HERC6: variants seen among roughly 807,000 people sequenced by gnomAD.
HERC6 encodes the protein probable E3 ubiquitin-protein ligase HERC6.
HERC6 carries 101 observed loss-of-function variants against 114.5 expected under a neutral mutation model. The ratio of observed to expected loss-of-function variants is 0.88; its 90% CI spans 0.75 to 1.04. HERC6 has a LOEUF of 1.04. Among genes scored for constraint, HERC6 ranks in the 50% least tolerant of loss-of-function variants. HERC6 has a pLI of 0.00. For missense variants in HERC6, 1,133 were observed against 1,230.9 expected (o/e 0.92, Z 1.19); for synonymous variants, 408 against 436.2 (o/e 0.94, Z 0.81).
intron 13 of HERC6, among the ~76,000 whole-genome samples, chr4:88,421,581 G>A (rs1331816097): frequency 2.6e-5 from 4 of 151,620 alleles, no homozygotes; most frequent in Non-Finnish European, 4.4e-5. Flanking sequence ...ACAAGTAGCT[G>A]GCATTACAGG....
At chr4:88,425,794 CT>C (rs76638121) in intron 15 of HERC6, among the ~76,000 whole-genome samples, 19,363 of 151,464 alleles carry the variant, frequency 0.13, 1,860 homozygotes, top group East Asian at 0.46. Context: ...ATTTTCCAAA[CT>C]TTTTTTTTAT....
At chr4:88,397,475 T>C (rs1735305335) in intron 7 of HERC6, among the ~76,000 whole-genome samples, 2 of 152,112 alleles carry the variant, frequency 1.3e-5, no homozygotes, top group South Asian at 4.1e-4. Context: ...GGTAATCATT[T>C]CTAAAGATTA....
In HERC6 at chr4:88,424,675, G is replaced by T. The variant is rs1473892939; in HGVS notation, c.1908G>T (p.Leu636Phe). 6.2e-7 allele frequency: 1 copy of T among 1,606,590 alleles called. No individual in the cohort carries two copies. The highest frequency in any genetic ancestry group is 8.5e-7 in the Non-Finnish European group (1 of 1,174,830). Residue 636 changes from leucine (L) to phenylalanine (F), a missense_variant, in exon 15 of 23, where the codon TTG (leucine) becomes TTT (phenylalanine). This residue lies in a region of HERC6 where 10 missense variants were observed against 31.1 expected (regional missense o/e 0.32). Coordinates refer to ENST00000264346, the MANE Select transcript of HERC6 (RefSeq NM_017912.4). The stretch of plus-strand genomic sequence containing the variant: ...ATTCGCTATCCAAAATTAAATTATT[G>T]CAAGCTGATTCACATATAAAGATGC... ...IFNSLSKIKL[L>F]QADSHIKMQM... is the part of the protein sequence containing the mutation.
chr4:88,390,571 AG>A, intron 3 of HERC6, 80 bp from the exon 4 acceptor site: 2 of 1,264,094 alleles, frequency 1.6e-6, no homozygotes, highest in South Asian at 3.2e-5. Flanking sequence ...GCCACAAAAA[AG>A]ATTTGTAGAA....
chr4:88,407,070 T>C (rs138453391), intron 10 of HERC6, among the ~76,000 whole-genome samples: 1 of 150,970 alleles, frequency 6.6e-6, no homozygotes, highest in Non-Finnish European at 1.5e-5. Context: ...CTTTTTTAAA[T>C]TTTTATTATT....
chr4:88,390,576 T>G (rs1254176372), intron 3 of HERC6, 76 bp from the exon 4 acceptor site: 5 of 1,300,564 alleles, frequency 3.8e-6, no homozygotes, highest in Non-Finnish European at 5.2e-6. Flanking sequence ...AAAAAAGATT[T>G]GTAGAATTAG....
chr4:88,434,535 A>G (rs1285960847), intron 17 of HERC6, among the ~76,000 whole-genome samples: 3 of 151,896 alleles, frequency 2.0e-5, no homozygotes, highest in Admixed American at 2.0e-4. Flanking sequence ...CAGGTTGGGG[A>G]TGGAGAGGAG....
chr4:88,395,724 A>C (rs1351823883), intron 5 of HERC6, among the ~76,000 whole-genome samples: 1 of 151,460 alleles, frequency 6.6e-6, no homozygotes, highest in Non-Finnish European at 1.5e-5. Context: ...GGGTCTTGCT[A>C]TATTGGCCAG....
At position 88,404,948 on chromosome 4, in the gene HERC6, A is replaced by T; in HGVS notation, c.1165A>T (p.Lys389Ter). Residue 389 changes from lysine to a stop codon, truncating the protein, a stop_gained, in exon 9 of 23, where the codon AAA becomes TAA. Transcript: ENST00000264346. LOFTEE classifies it high-confidence loss of function. Reference protein sequence around the residue: ...ISRISQSMAEKWIAVKRRSTE... With the variant: ...ISRISQSMAE Reference sequence around the variant, plus strand: ...CCGAATTAGCCAGTCCATGGCAGAAAAATGGATAGCAGTGAAAAGAAGAAG... The same window carrying T: ...CCGAATTAGCCAGTCCATGGCAGAATAATGGATAGCAGTGAAAAGAAGAAG... 1 of 1,613,910 alleles carries T rather than the reference A, an allele frequency of 6.2e-7. No homozygotes were observed. The highest frequency in any genetic ancestry group is 1.7e-4 in the Middle Eastern group (1 of 6,056).
At position 88,438,091 on chromosome 4, in the gene HERC6, A is replaced by G. The variant is rs921834899; in HGVS notation, c.2555+310A>G. On this transcript the variant is annotated intron_variant, in intron 20 of 22. Transcript: ENST00000264346. ...CAGTGAGCCGGGATTGCGCAACTGC[A>G]CTCAAGCCTGGGCAACAGAGTGAGA... Among the ~76,000 whole-genome samples the G allele has an allele frequency of 2.7e-5, 4 of 145,476 alleles. No homozygotes were observed. In the Admixed American group the frequency reaches 2.9e-4, roughly 10 times the overall value.
intron 5 of HERC6, among the ~76,000 whole-genome samples, chr4:88,394,927 A>G (rs1250736002): frequency 3.9e-5 from 6 of 152,208 alleles, no homozygotes; most frequent in Non-Finnish European, 8.8e-5. Flanking sequence ...ACAGTTTTCA[A>G]TAATCCACTT....
At chr4:88,389,668 T>G in intron 3 of HERC6, among the ~76,000 whole-genome samples, 1 of 152,084 alleles carries the variant, frequency 6.6e-6, no homozygotes. Flanking sequence ...GAAGGTGACC[T>G]GGACCGCCCC....
intron 3 of HERC6, 26 bp downstream of exon 3, chr4:88,385,601 T>C (rs748236364): frequency 2.4e-6 from 3 of 1,263,272 alleles, no homozygotes; most frequent in South Asian, 2.9e-5. Flanking sequence ...TGGATCTGAG[T>C]GTGAGTAGGA....
At chr4:88,393,791 G>T (rs62310040) in intron 5 of HERC6, among the ~76,000 whole-genome samples, 1 of 152,184 alleles carries the variant, frequency 6.6e-6, no homozygotes, top group Non-Finnish European at 1.5e-5. Context: ...CAGCAGATTT[G>T]ATGTCTGATG....
intron 11 of HERC6, among the ~76,000 whole-genome samples, chr4:88,412,157 A>T (rs1045320135): frequency 6.6e-6 from 1 of 152,164 alleles, no homozygotes; most frequent in Non-Finnish European, 1.5e-5. Context: ...ATAAAGCAAA[A>T]ATTACCTTAC....
intron 19 of HERC6, 149 bp downstream of exon 19, chr4:88,437,120 G>A (rs1041203086): frequency 7.4e-6 from 4 of 543,558 alleles, no homozygotes; most frequent in Admixed American, 3.6e-5. Flanking sequence ...ACAATGGCGC[G>A]ATCTCGGTTC....
chr4:88,436,253 A>T (rs1277576725), intron 18 of HERC6, among the ~76,000 whole-genome samples: 1 of 152,200 alleles, frequency 6.6e-6, no homozygotes, highest in Admixed American at 6.5e-5. Context: ...TAATAAAAAA[A>T]CTGAAAATAT....
intron 16 of HERC6, among the ~76,000 whole-genome samples, chr4:88,430,612 A>ATAAATAAATAAATAAT (rs570313105): frequency 6.6e-6 from 1 of 151,884 alleles, no homozygotes; most frequent in African/African-American, 2.4e-5. Context: ...AAATAAATAA[A>ATAAATAAATAAATAAT]AAGAGGGACT....
At chr4:88,390,254 G>A (rs1333085160) in intron 3 of HERC6, among the ~76,000 whole-genome samples, 1 of 151,864 alleles carries the variant, frequency 6.6e-6, no homozygotes, top group Non-Finnish European at 1.5e-5. Flanking sequence ...CCAGGGGCTG[G>A]GGGTTGGGGG....
Sources: gnomAD v4.1 joint callset for allele counts (sites outside exome capture counted in the v4.1 genomes callset) on GRCh38, gnomAD v4.1.1 for gene constraint, gnomAD v4.1.1 regional missense constraint, MANE v1.5 for transcripts, NCBI Gene and HGNC (gene_info 2026-07-23, HGNC 2026-07-21) for gene names.